SIGLEC9: variants seen among roughly 807,000 people sequenced by gnomAD.
The protein encoded by SIGLEC9 is sialic acid-binding Ig-like lectin 9.
Under a neutral mutation model 38.3 loss-of-function variants are expected in SIGLEC9, and 26 were observed. The observed-to-expected ratio is 0.68, with a 90% confidence interval of 0.50 to 0.94. The LOEUF (loss-of-function observed/expected upper bound fraction) is 0.94, where lower values mean the gene tolerates loss of function less well. Ranked by LOEUF, SIGLEC9 falls within the 40% of genes least tolerant of loss-of-function variation. SIGLEC9 has a pLI of 0.00. For synonymous variants in SIGLEC9, 236 were observed against 248.0 expected (o/e 0.95, Z 0.45); for missense variants, 556 against 585.7 (o/e 0.95, Z 0.52).
At position 51,129,924 on chromosome 19, in the gene SIGLEC9, C is replaced by A. The variant is rs1456864158; in HGVS notation, c.1237C>A (p.Pro413Thr). The change falls in exon 7 of 7, where the codon CCC becomes ACC. Residue 413 changes from proline (P) to threonine (T), a missense_variant. Transcript: ENST00000250360. ...GACTGAACCTTGGGCAGAAGACAGTCCCCCAGACCAGCCTCCCCCAGCTTC... is the reference window on the plus strand; with the variant it reads ...GACTGAACCTTGGGCAGAAGACAGTACCCCAGACCAGCCTCCCCCAGCTTC... ...PLTEPWAEDS[P>T]PDQPPPASAR... 1 of 1,609,434 alleles carries A rather than the reference C, an allele frequency of 6.2e-7. No individual in the cohort carries two copies. The highest frequency in any genetic ancestry group is 1.7e-5 in the Admixed American group (1 of 59,318).
At chr19:51,127,839 G>C (rs984349526) in intron 4 of SIGLEC9, 110 bp from the exon 5 acceptor site, 2 of 674,716 alleles carry the variant, frequency 3.0e-6, no homozygotes, top group East Asian at 5.2e-5. Context: ...TGTTCTTTGT[G>C]TCTGGAAAGG....
downstream of SIGLEC9, among the ~76,000 whole-genome samples, chr19:51,133,064 A>G (rs980272514): frequency 1.3e-5 from 2 of 151,792 alleles, no homozygotes; most frequent in Non-Finnish European, 2.9e-5. Context: ...TTATAAATTG[A>G]TAAGTTGGTT....
upstream of SIGLEC9, among the ~76,000 whole-genome samples, chr19:51,122,452 A>G (rs1827321): frequency 0.58 from 88,131 of 151,732 alleles, 25,841 homozygotes; most frequent in South Asian, 0.63. The surrounding 1 kb of genome is among the most constrained non-coding windows in gnomAD (Gnocchi z 4.1). Flanking sequence ...GTGGCGGCAC[A>G]TGCCTGTAAT....
chr19:51,123,791 A>G (rs2091957919), upstream of SIGLEC9, among the ~76,000 whole-genome samples: 1 of 152,216 alleles, frequency 6.6e-6, no homozygotes, highest in Non-Finnish European at 1.5e-5. Flanking sequence ...TCTCCCAAAA[A>G]TATTTCTAGA....
upstream of SIGLEC9, among the ~76,000 whole-genome samples, chr19:51,123,603 T>C (rs917146640): frequency 5.3e-5 from 8 of 152,114 alleles, no homozygotes; most frequent in African/African-American, 1.9e-4. Flanking sequence ...ACCATTAGCG[T>C]TAAAGTGAGG....
Position 51,127,185 on chromosome 19 carries a change from C to G in SIGLEC9, c.904C>G (p.Pro302Ala). 3 of 1,614,256 alleles carry G rather than the reference C, an allele frequency of 1.9e-6. No homozygotes were observed. The highest frequency in any genetic ancestry group is 1.3e-5 in the African/African-American group (1 of 75,066). ...LTLCPSQPSNPGVLELPWVHL... is the reference protein window; with the variant it reads ...LTLCPSQPSNAGVLELPWVHL... ...CCTGTGCCCCTCACAGCCCTCAAACCCGGGGGTGCTGGAGCTGCCTTGGGT... is the reference window on the plus strand; with the variant it reads ...CCTGTGCCCCTCACAGCCCTCAAACGCGGGGGTGCTGGAGCTGCCTTGGGT... Residue 302 changes from proline to alanine, a missense_variant, in exon 4 of 7, where the codon CCG (proline) becomes GCG (alanine). By Grantham distance (27) the Pro-to-Ala change is conservative. Coordinates refer to ENST00000250360, the MANE Select transcript of SIGLEC9 (RefSeq NM_014441.3).
rs575753553 is a variant in SIGLEC9 at position 51,125,541 on chromosome 19, C to A, written c.422-56C>A. ...AGCTGGACCAGAGCCTGAGCTCCCCCCAGGGCTGCACCATGGATCCTCTGA... is the reference window on the plus strand; with the variant it reads ...AGCTGGACCAGAGCCTGAGCTCCCCACAGGGCTGCACCATGGATCCTCTGA... On this transcript the variant is annotated intron_variant, in intron 1 of 6. Coordinates refer to ENST00000250360, the MANE Select transcript of SIGLEC9 (RefSeq NM_014441.3). 5.9e-5 allele frequency: 94 copies of A among 1,596,598 alleles called. No individual in the cohort carries two copies. In the South Asian group the frequency reaches 9.0e-4, roughly 15 times the overall value.
At chr19:51,129,843 C>T (rs1255925304) in intron 6 of SIGLEC9, 48 bp from the exon 7 acceptor site, 1 of 1,393,822 alleles carries the variant, frequency 7.2e-7, no homozygotes, top group Non-Finnish European at 9.8e-7. Flanking sequence ...GCCACCGCGC[C>T]CCATCCTCAC....
intron 2 of SIGLEC9, 53 bp downstream of exon 2, chr19:51,125,928 G>A (rs183317812): frequency 6.2e-7 from 1 of 1,609,404 alleles, no homozygotes; most frequent in African/African-American, 1.3e-5. Flanking sequence ...CGTCAAGCCT[G>A]GACACTGGGT....
downstream of SIGLEC9, among the ~76,000 whole-genome samples, chr19:51,134,885 T>C (rs1348274298): frequency 6.6e-6 from 1 of 152,216 alleles, no homozygotes; most frequent in Non-Finnish European, 1.5e-5. Flanking sequence ...GCATCTTTAC[T>C]TTCCTGGATG....
At chr19:51,120,741 C>A, upstream of SIGLEC9, 2 of 191,234 alleles carry the variant, frequency 1.0e-5, no homozygotes, top group Non-Finnish European at 1.1e-5. The surrounding 1 kb of genome is among the most constrained non-coding windows in gnomAD (Gnocchi z 4.1). Context: ...ATGGGGAGAA[C>A]CATCCAGCTC....
At chr19:51,128,385 C>T in intron 5 of SIGLEC9, 29 bp from the exon 6 acceptor site, 1 of 1,610,510 alleles carries the variant, frequency 6.2e-7, no homozygotes. Flanking sequence ...TCTGACCACA[C>T]TGAAAGGCTC....
chr19:51,132,501 T>C (rs73932817), downstream of SIGLEC9, among the ~76,000 whole-genome samples: 4,702 of 152,238 alleles, frequency 0.031, 243 homozygotes, highest in African/African-American at 0.11. Flanking sequence ...CCTGAGACTG[T>C]AGTCTGAGTG....
chr19:51,131,934 T>A (rs1297796299), downstream of SIGLEC9, among the ~76,000 whole-genome samples: 2 of 145,874 alleles, frequency 1.4e-5, no homozygotes, highest in Non-Finnish European at 3.0e-5. Flanking sequence ...AAAAAAAAAA[T>A]CCTATGCTAT....
At chr19:51,120,025 GC>G, upstream of SIGLEC9, 1 of 186,054 alleles carries the variant, frequency 5.4e-6, no homozygotes, top group Non-Finnish European at 1.1e-5. This position sits in a 1 kb window ranked among gnomAD's most constrained non-coding sequence, Gnocchi z 4.1. Context: ...GAGGGAATGT[GC>G]AGGCATGTGC....
chr19:51,131,604 A>G (rs1056280597), downstream of SIGLEC9, among the ~76,000 whole-genome samples: 6 of 150,864 alleles, frequency 4.0e-5, no homozygotes, highest in African/African-American at 1.5e-4. Context: ...TAAATAAATA[A>G]ATAAATAAAT....
At position 51,125,218 on chromosome 19, in the gene SIGLEC9, G is replaced by A. The variant is rs1204036259; in HGVS notation, c.244G>A (p.Ala82Thr). The A allele has an allele frequency of 1.9e-6, 3 of 1,614,118 alleles. No homozygotes were observed. The highest frequency in any genetic ancestry group is 2.5e-6 in the Non-Finnish European group (3 of 1,179,986). The change falls in exon 1 of 7, where the codon GCA becomes ACA. Residue 82 changes from alanine (A) to threonine (T), a missense_variant. Coordinates refer to ENST00000250360, the MANE Select transcript of SIGLEC9 (RefSeq NM_014441.3). ...AGTGGCCACAAACAACCCAGCTCGG[G>A]CAGTGTGGGAGGAGACTCGGGACCG... ...APVATNNPAR[A>T]VWEETRDRFH...
rs780367790 is a variant in SIGLEC9, at chr19:51,126,081, A to T, written c.701A>T (p.Tyr234Phe). ...GGGTCTCCATGTCTTTCTGTCCCAGACCCGCCTCAGAACTTGACCATGACT... is the reference window on the plus strand; with the variant it reads ...GGGTCTCCATGTCTTTCTGTCCCAGTCCCGCCTCAGAACTTGACCATGACT... ...TNKTVHLNVS[Y>F]PPQNLTMTVF... Residue 234 changes from tyrosine to phenylalanine, a missense_variant and splice_region_variant, in exon 3 of 7, where the codon TAC (tyrosine) becomes TTC (phenylalanine). Transcript: ENST00000250360. 2 of 1,613,588 alleles carry T rather than the reference A, an allele frequency of 1.2e-6. No individual in the cohort carries two copies. The highest frequency in any genetic ancestry group is 1.3e-5 in the African/African-American group (1 of 74,832).
chr19:51,128,473 T>C lies in SIGLEC9; in HGVS notation c.1166T>C (p.Ile389Thr). The C allele has an allele frequency of 6.2e-7, 1 of 1,614,096 alleles. No homozygotes were observed. The highest frequency in any genetic ancestry group is 8.5e-7 in the Non-Finnish European group (1 of 1,179,984). ...GCAGCGGGCGTGGGAGATACGGGCA[T>C]AGAGGATGCAAACGCTGTCAGGGGT... ...RPAAGVGDTG[I>T]EDANAVRGSA... The change falls in exon 6 of 7, where the codon ATA becomes ACA. Residue 389 changes from isoleucine to threonine, a missense_variant. Physicochemically the swap from Ile to Thr is moderately conservative, Grantham distance 89. Transcript: ENST00000250360.
Sources: gnomAD v4.1 joint callset for allele counts (sites outside exome capture counted in the v4.1 genomes callset) on GRCh38, gnomAD v4.1.1 for gene constraint, Gnocchi (gnomAD v3.1) non-coding constraint, MANE v1.5 for transcripts, NCBI Gene and HGNC (gene_info 2026-07-23, HGNC 2026-07-21) for gene names.